CADPS2: variants seen among roughly 807,000 people sequenced by gnomAD.
The protein encoded by CADPS2 is calcium-dependent secretion activator 2.
A neutral mutation model predicts 172.5 loss-of-function variants in CADPS2; 93 were observed. The ratio of observed to expected loss-of-function variants is 0.54; its 90% CI spans 0.46 to 0.64. The LOEUF (loss-of-function observed/expected upper bound fraction) is 0.64, where lower values mean the gene tolerates loss of function less well. Among genes scored for constraint, CADPS2 ranks in the 30% least tolerant of loss-of-function variants. The pLI, the probability that CADPS2 is intolerant of heterozygous loss-of-function variation, is 0.00. For missense variants in CADPS2, 1,420 were observed against 1,565.9 expected (o/e 0.91, Z 1.57); for synonymous variants, 546 against 555.2 (o/e 0.98, Z 0.23).
At chr7:122,758,126 C>T (rs56148137) in intron 1 of CADPS2, among the ~76,000 whole-genome samples, 2,438 of 152,254 alleles carry the variant, frequency 0.016, 61 homozygotes, top group African/African-American at 0.055. Context: ...TTTTTAGATA[C>T]TATCTTGATA....
intron 25 of CADPS2, among the ~76,000 whole-genome samples, chr7:122,361,521 C>T (rs1241072503): frequency 1.3e-5 from 2 of 151,930 alleles, no homozygotes; most frequent in East Asian, 3.9e-4. Context: ...TGTGAGCCAC[C>T]GTGTCTGGCC....
At chr7:122,685,534 T>TAGATTA (rs1241768612) in intron 2 of CADPS2, among the ~76,000 whole-genome samples, 1 of 152,246 alleles carries the variant, frequency 6.6e-6, no homozygotes, top group Non-Finnish European at 1.5e-5. Context: ...GCACAGGTTC[T>TAGATTA]AGATTAAGGC....
At chr7:122,339,447 G>A (rs1311116231) in intron 28 of CADPS2, among the ~76,000 whole-genome samples, 2 of 152,138 alleles carry the variant, frequency 1.3e-5, no homozygotes, top group Non-Finnish European at 2.9e-5. Context: ...TCTTATCCAT[G>A]TTTTGTTGAT....
intron 25 of CADPS2, 43 bp downstream of exon 25, chr7:122,379,325 A>AT (rs2042724336): frequency 1.6e-6 from 2 of 1,290,286 alleles, no homozygotes; most frequent in Admixed American, 2.1e-5. Context: ...TCCATTGACA[A>AT]TTTTTCACTT....
intron 1 of CADPS2, among the ~76,000 whole-genome samples, chr7:122,762,476 T>C (rs981310996): frequency 6.6e-6 from 1 of 152,110 alleles, no homozygotes; most frequent in Non-Finnish European, 1.5e-5. Context: ...TTAGAATAGC[T>C]TCATACTCTT....
rs1367605293 is a variant in CADPS2, at chr7:122,886,012, C to T, written c.326G>A (p.Arg109Gln). Reference protein sequence around the residue: ...FNAKQPTDMARRQQKLNKQQL... With the variant: ...FNAKQPTDMAQRQQKLNKQQL... ...CCCGCAACTCACCTTCTGCTGCCTCCGGGCCATGTCGGTGGGCTGCTTGGC... is the reference window on the plus strand; with the variant it reads ...CCCGCAACTCACCTTCTGCTGCCTCTGGGCCATGTCGGTGGGCTGCTTGGC... Residue 109 changes from arginine to glutamine, a missense_variant, in exon 1 of 30, where the codon CGG becomes CAG. By Grantham distance (43) the Arg-to-Gln change is conservative. Coordinates refer to ENST00000449022, the MANE Select transcript of CADPS2 (RefSeq NM_017954.11). The T allele has an allele frequency of 3.1e-6, 5 of 1,607,244 alleles. No individual in the cohort carries two copies. The highest frequency in any genetic ancestry group is 4.2e-6 in the Non-Finnish European group (5 of 1,177,310).
chr7:122,796,230 A>C (rs1796341767), intron 1 of CADPS2, among the ~76,000 whole-genome samples: 1 of 152,248 alleles, frequency 6.6e-6, no homozygotes, highest in Admixed American at 6.5e-5. Context: ...AAATAGGAAA[A>C]CATTCCATGC....
At chr7:122,636,213 T>A (rs1038038036) in intron 3 of CADPS2, among the ~76,000 whole-genome samples, 1 of 152,170 alleles carries the variant, frequency 6.6e-6, no homozygotes, top group Non-Finnish European at 1.5e-5. Flanking sequence ...TGCCTAAGTA[T>A]GTTTTTGTGG....
At chr7:122,579,523 T>C (rs530755860) in intron 7 of CADPS2, among the ~76,000 whole-genome samples, 2 of 149,106 alleles carry the variant, frequency 1.3e-5, no homozygotes, top group East Asian at 3.9e-4. Context: ...ACTATATTAT[T>C]TGACCAGCTG....
intron 7 of CADPS2, among the ~76,000 whole-genome samples, chr7:122,576,336 G>C (rs1005500421): frequency 6.6e-6 from 1 of 152,138 alleles, no homozygotes; most frequent in African/African-American, 2.4e-5. Flanking sequence ...GTTATCAAGA[G>C]AGTATTGGCA....
rs193134127 is a variant in CADPS2 at position 122,492,973 on chromosome 7, T to C, written c.1543-1553A>G. Among the ~76,000 whole-genome samples, 25 of 152,268 alleles carry C rather than the reference T, an allele frequency of 1.6e-4. No individual in the cohort carries two copies. In the East Asian group the frequency reaches 4.3e-3, roughly 26 times the overall value. On this transcript the variant is annotated intron_variant, in intron 9 of 29. Coordinates refer to ENST00000449022, the MANE Select transcript of CADPS2 (RefSeq NM_017954.11). ...AACATAAAATGAAACTAAGGAAACA[T>C]AGTACCTTTCAATAGACAGTGATTA...
rs756976124 is a variant in CADPS2, at chr7:122,407,715, A to G, written c.2590-19T>C. The G allele has an allele frequency of 3.1e-6, 5 of 1,590,818 alleles. No individual in the cohort carries two copies. Among genetic ancestry groups the G allele is most frequent in the Admixed American group, 1.8e-5 (1 of 56,138 alleles). On this transcript the variant is annotated intron_variant, in intron 19 of 29. Coordinates refer to ENST00000449022, the MANE Select transcript of CADPS2 (RefSeq NM_017954.11). The stretch of plus-strand genomic sequence containing the variant: ...CAAATGCCTACAAAAGGATAAAAAC[A>G]TAAAGGAGAAAAGTAGATTACTTTT...
chr7:122,620,520 A>G (rs969221653), intron 5 of CADPS2, among the ~76,000 whole-genome samples: 3 of 152,204 alleles, frequency 2.0e-5, no homozygotes, highest in Non-Finnish European at 2.9e-5. Context: ...GATATCATGT[A>G]AACCATCAAC....
At chr7:122,464,813 C>T (rs10270564) in intron 14 of CADPS2, among the ~76,000 whole-genome samples, 61,703 of 151,860 alleles carry the variant, frequency 0.41, 12,828 homozygotes, top group African/African-American at 0.49. Flanking sequence ...CAACTTGGTA[C>T]CCTGAATTGA....
At chr7:122,639,944 T>C (rs528662234) in intron 3 of CADPS2, among the ~76,000 whole-genome samples, 1 of 152,158 alleles carries the variant, frequency 6.6e-6, no homozygotes, top group Non-Finnish European at 1.5e-5. Context: ...ACGAAACTCT[T>C]GCAGGAGTTC....
At chr7:122,769,486 T>A (rs971275091) in intron 1 of CADPS2, among the ~76,000 whole-genome samples, 2 of 151,492 alleles carry the variant, frequency 1.3e-5, no homozygotes, top group African/African-American at 4.9e-5. Flanking sequence ...ACTCTTCACC[T>A]CATAACAGCA....
intron 1 of CADPS2, among the ~76,000 whole-genome samples, chr7:122,817,492 C>T (rs190342363): frequency 5.3e-5 from 8 of 152,220 alleles, no homozygotes; most frequent in Admixed American, 3.3e-4. Context: ...ACTCTGGCGC[C>T]GGTCACAGAC....
chr7:122,608,344 A>G (rs1420476434), intron 6 of CADPS2, among the ~76,000 whole-genome samples: 1 of 152,222 alleles, frequency 6.6e-6, no homozygotes, highest in East Asian at 1.9e-4. Flanking sequence ...CTGAATTAAA[A>G]TGGAAACTAA....
intron 5 of CADPS2, among the ~76,000 whole-genome samples, chr7:122,619,991 A>G (rs1318370373): frequency 6.6e-6 from 1 of 152,210 alleles, no homozygotes; most frequent in East Asian, 1.9e-4. Context: ...TCCTGAAGTC[A>G]AGAAAGTGAG....
Sources: gnomAD v4.1 joint callset for allele counts (sites outside exome capture counted in the v4.1 genomes callset) on GRCh38, gnomAD v4.1.1 for gene constraint, MANE v1.5 for transcripts, NCBI Gene and HGNC (gene_info 2026-07-23, HGNC 2026-07-21) for gene names.